The following TYW1B variants were observed in gnomAD, a reference collection of about 807,000 sequenced individuals.
The protein encoded by TYW1B is tRNA-yW synthesizing protein 1 homolog B.
A neutral mutation model predicts 86.9 loss-of-function variants in TYW1B; 73 were observed. The observed-to-expected ratio is 0.84, with a 90% CI of 0.70 to 1.02. The LOEUF (loss-of-function observed/expected upper bound fraction) is 1.02. Among genes scored for constraint, TYW1B ranks in the 50% least tolerant of loss-of-function variants. The pLI, the probability that TYW1B is intolerant of heterozygous loss-of-function variation, is 0.00. For synonymous variants in TYW1B, 248 were observed against 292.8 expected (o/e 0.85, Z 1.56); for missense variants, 637 against 827.4 (o/e 0.77, Z 2.82).
chr7:72,595,277 G>A (rs1225390056), intron 13 of TYW1B, among the ~76,000 whole-genome samples: 14 of 152,094 alleles, frequency 9.2e-5, no homozygotes, highest in Non-Finnish European at 1.3e-4. Context: ...AACTAATAAA[G>A]GAATTCAGCA....
intron 9 of TYW1B, among the ~76,000 whole-genome samples, chr7:72,716,937 C>T (rs1212762020): frequency 2.0e-5 from 3 of 150,088 alleles, no homozygotes; most frequent in African/African-American, 7.4e-5. Context: ...ATTGAAGGGA[C>T]TCACAAACTC....
intron 11 of TYW1B, among the ~76,000 whole-genome samples, chr7:72,654,339 T>G (rs1291709277): frequency 2.0e-5 from 3 of 152,106 alleles, no homozygotes; most frequent in Admixed American, 6.6e-5. Flanking sequence ...CACAATTTAA[T>G]CATAAGAAAA....
intron 9 of TYW1B, among the ~76,000 whole-genome samples, chr7:72,725,280 G>T (rs56289895): frequency 0.78 from 118,624 of 152,006 alleles, 46,560 homozygotes; most frequent in Non-Finnish European, 0.8. Context: ...CATCCCAGCA[G>T]AAAGAAATGA....
intron 11 of TYW1B, among the ~76,000 whole-genome samples, chr7:72,645,678 A>C (rs1255700518): frequency 6.6e-6 from 1 of 152,168 alleles, no homozygotes; most frequent in Non-Finnish European, 1.5e-5. Context: ...TTCACAAAAG[A>C]ATTTAAATTG....
intron 2 of TYW1B, among the ~76,000 whole-genome samples, chr7:72,820,873 C>T (rs1240497519): frequency 7.2e-5 from 11 of 152,180 alleles, no homozygotes; most frequent in African/African-American, 1.9e-4. Flanking sequence ...AATATCATGG[C>T]GGTGTCAAAG....
At chr7:72,755,607 T>C (rs942458755) in intron 7 of TYW1B, among the ~76,000 whole-genome samples, 2 of 152,172 alleles carry the variant, frequency 1.3e-5, no homozygotes, top group Non-Finnish European at 2.9e-5. Context: ...GAGGCTGCAG[T>C]GAGCCGAGAT....
At chr7:72,584,846 T>C (rs1811238787) in intron 13 of TYW1B, among the ~76,000 whole-genome samples, 1 of 152,112 alleles carries the variant, frequency 6.6e-6, no homozygotes, top group Non-Finnish European at 1.5e-5. Context: ...GTTAATTATT[T>C]CTCTACTCAA....
intron 7 of TYW1B, among the ~76,000 whole-genome samples, chr7:72,764,618 G>C (rs1486942585): frequency 6.6e-6 from 1 of 152,106 alleles, no homozygotes; most frequent in Admixed American, 6.6e-5. Context: ...ATAATTTTAA[G>C]ATCAATGGAC....
At chr7:72,824,886 T>C (rs1788899965) in intron 2 of TYW1B, among the ~76,000 whole-genome samples, 1 of 151,952 alleles carries the variant, frequency 6.6e-6, no homozygotes, top group Non-Finnish European at 1.5e-5. Context: ...GCAGATTGCT[T>C]GAGCCCAAGA....
At chr7:72,623,985 A>G (rs1812284247) in intron 12 of TYW1B, among the ~76,000 whole-genome samples, 1 of 152,028 alleles carries the variant, frequency 6.6e-6, no homozygotes, top group Non-Finnish European at 1.5e-5. Flanking sequence ...TATTTTTAGT[A>G]GAGACAGGGT....
intron 13 of TYW1B, among the ~76,000 whole-genome samples, chr7:72,576,806 C>T (rs1554428702): frequency 1.3e-5 from 2 of 151,746 alleles, no homozygotes; most frequent in Non-Finnish European, 1.5e-5. Context: ...GCCACCACAC[C>T]CGGCCCATGC....
At chr7:72,781,978 T>C (rs1554471717) in intron 6 of TYW1B, among the ~76,000 whole-genome samples, 2 of 152,248 alleles carry the variant, frequency 1.3e-5, no homozygotes, top group African/African-American at 4.8e-5. Context: ...TTATTTGTTT[T>C]TGTTTTAAAT....
rs1813875206 is a variant in TYW1B at position 72,681,571 on chromosome 7, T to C, written c.1506+13116A>G. ...TATTATCCAGACAGTAAGAAGAGTGTTGGAGTGTTATATTTACTTCTTTTT... is the reference window on the plus strand; with the variant it reads ...TATTATCCAGACAGTAAGAAGAGTGCTGGAGTGTTATATTTACTTCTTTTT... On this transcript the variant is annotated intron_variant, in intron 11 of 13. Coordinates refer to ENST00000620995, the MANE Select transcript of TYW1B (RefSeq NM_001145440.3). Among the ~76,000 whole-genome samples the C allele has an allele frequency of 2.0e-5, 3 of 151,508 alleles. No homozygotes were observed. In the South Asian group the frequency reaches 6.3e-4, roughly 32 times the overall value.
At chr7:72,802,221 G>C in intron 6 of TYW1B, among the ~76,000 whole-genome samples, 179 bp downstream of exon 6, 1 of 152,062 alleles carries the variant, frequency 6.6e-6, no homozygotes, top group Non-Finnish European at 1.5e-5. Flanking sequence ...TCACAGGCCT[G>C]AGAGGGGAGA....
At chr7:72,685,830 G>A (rs1813995670) in intron 11 of TYW1B, among the ~76,000 whole-genome samples, 1 of 152,126 alleles carries the variant, frequency 6.6e-6, no homozygotes, top group Non-Finnish European at 1.5e-5. Context: ...TTGCTCTGCA[G>A]AAGACACTGC....
Position 72,729,684 on chromosome 7 carries a change from C to G in TYW1B, c.1083-753G>C, listed in dbSNP as rs1391913486. Among the ~76,000 whole-genome samples, 8 of 152,144 alleles carry G rather than the reference C, an allele frequency of 5.3e-5. No individual in the cohort carries two copies. The South Asian group carries it at 1.2e-3, about 24-fold the overall frequency. The stretch of plus-strand genomic sequence containing the variant: ...CACAATGCCAGAGCCCAAGGACCAG[C>G]TCCCCAGTGTCCACCACTGCCAACC... On this transcript the variant is annotated intron_variant, in intron 8 of 13. Transcript: ENST00000620995.
At chr7:72,619,503 C>T (rs1315648210) in intron 12 of TYW1B, among the ~76,000 whole-genome samples, 4 of 151,292 alleles carry the variant, frequency 2.6e-5, no homozygotes, top group Non-Finnish European at 2.9e-5. Context: ...TAGCCGGGCA[C>T]GGTGGCGGGC....
intron 9 of TYW1B, among the ~76,000 whole-genome samples, chr7:72,714,912 G>A (rs1305476397): frequency 3.9e-5 from 6 of 152,140 alleles, no homozygotes; most frequent in African/African-American, 1.2e-4. Flanking sequence ...GTGAGACTCC[G>A]TCTCCAAAAA....
chr7:72,758,255 T>C (rs1177953276), intron 7 of TYW1B, among the ~76,000 whole-genome samples: 2 of 151,930 alleles, frequency 1.3e-5, no homozygotes, highest in African/African-American at 4.8e-5. Flanking sequence ...GTAGGTACAA[T>C]AGTTCCAGCT....
Sources: allele counts gnomAD v4.1 joint callset (sites outside exome capture counted in the v4.1 genomes callset), GRCh38; gene constraint gnomAD v4.1.1; transcripts MANE v1.5; gene names NCBI Gene and HGNC (gene_info 2026-07-23, HGNC 2026-07-21).